Variants in CFAP97 observed in about 807,000 individuals in gnomAD.
CFAP97 encodes the protein cilia- and flagella-associated protein 97.
CFAP97 carries 36 observed loss-of-function variants against 43.1 expected under a neutral mutation model. The ratio of observed to expected loss-of-function variants is 0.84; its 90% CI spans 0.64 to 1.10. The LOEUF (loss-of-function observed/expected upper bound fraction) is 1.10, where lower values mean the gene tolerates loss of function less well. CFAP97 is among the 50% of genes least tolerant of loss of function. The pLI is 0.00. For synonymous variants in CFAP97, 228 were observed against 225.7 expected (o/e 1.01, Z -0.09); for missense variants, 657 against 620.3 (o/e 1.06, Z -0.63).
At chr4:185,190,105 T>C in intron 2 of CFAP97, 38 bp downstream of exon 2, 1 of 1,446,018 alleles carries the variant, frequency 6.9e-7, no homozygotes, top group Non-Finnish European at 9.3e-7. Context: ...CAATATATAA[T>C]ATTTAAACAC....
At chr4:185,202,455 G>A (rs1736896734) in intron 1 of CFAP97, among the ~76,000 whole-genome samples, 1 of 152,050 alleles carries the variant, frequency 6.6e-6, no homozygotes, top group African/African-American at 2.4e-5. Flanking sequence ...AGGCTGAGGT[G>A]GGAGAATCGC....
chr4:185,170,042 A>T (rs1455736286), intron 3 of CFAP97: 1 of 1,177,712 alleles, frequency 8.5e-7, no homozygotes. Flanking sequence ...TATTCCACAT[A>T]AGAGTTCTGA....
chr4:185,210,077 C>T, upstream of CFAP97: 2 of 984,118 alleles, frequency 2.0e-6, no homozygotes, highest in South Asian at 4.7e-5. This position sits in a 1 kb window ranked among gnomAD's most constrained non-coding sequence, Gnocchi z 4.4. Flanking sequence ...GCGGCGGGGG[C>T]CGCGGGGCTG....
chr4:185,192,069 C>T (rs1256684508), intron 1 of CFAP97, among the ~76,000 whole-genome samples: 1 of 152,182 alleles, frequency 6.6e-6, no homozygotes, highest in Non-Finnish European at 1.5e-5. Flanking sequence ...TCAGGACTTG[C>T]TGTCTTTGTC....
In CFAP97 at chr4:185,176,059, AAAG is replaced by A. The variant is rs561532648; in HGVS notation, c.1055-11_1055-9del. 1.8e-4 allele frequency: 275 copies of A among 1,530,482 alleles called. 1 individual carries two copies. In the African/African-American group the frequency reaches 4.4e-3, roughly 24 times the overall value. 94.8% of individuals were successfully genotyped at this position (1,530,482 alleles called of 1,614,324 possible). On this transcript the variant is annotated splice_polypyrimidine_tract_variant and intron_variant, in intron 2 of 4. Transcript: ENST00000458385. ...TATCTAATTGCAGAAAAGCTACAGA[AAAG>A]AACAAAAAAAAAAGAGAAAATGGCC...
At chr4:185,169,099 C>G (rs892854090) in intron 3 of CFAP97, 1 of 152,174 alleles carries the variant, frequency 6.6e-6, no homozygotes, top group African/African-American at 2.4e-5. Flanking sequence ...TAGCAAATGT[C>G]AAGTACCCAA....
chr4:185,201,375 C>A (rs1736820709), intron 1 of CFAP97, among the ~76,000 whole-genome samples: 1 of 150,770 alleles, frequency 6.6e-6, no homozygotes, highest in African/African-American at 2.4e-5. Context: ...TGTCAAGCAG[C>A]ATCACAAGCT....
chr4:185,170,176 T>A, intron 3 of CFAP97: 1 of 597,086 alleles, frequency 1.7e-6, no homozygotes, highest in Non-Finnish European at 2.7e-6. Context: ...GGCAATACCA[T>A]CTCCACTAAA....
chr4:185,177,717 T>C (rs952417648), intron 2 of CFAP97, among the ~76,000 whole-genome samples: 182 of 148,632 alleles, frequency 1.2e-3, no homozygotes, highest in African/African-American at 4.3e-3. Flanking sequence ...CACCTGTAAT[T>C]CCAGCTACTC....
In CFAP97 at chr4:185,164,535, G is replaced by A. The variant is rs548359321; in HGVS notation, c.1321-356C>T. 2.6e-5 allele frequency among the ~76,000 whole-genome samples: 4 copies of A among 152,336 alleles called. No homozygotes were observed. In the South Asian group the frequency reaches 8.3e-4, roughly 32 times the overall value. On this transcript the variant is annotated intron_variant, in intron 3 of 4. Transcript: ENST00000458385. The stretch of plus-strand genomic sequence containing the variant: ...GTGATATAACAATTCATCCAGAGGT[G>A]TCCAATGGAGAGAATACAGTCATGG...
chr4:185,178,123 T>C (rs1735627969), intron 2 of CFAP97, among the ~76,000 whole-genome samples: 3 of 152,060 alleles, frequency 2.0e-5, no homozygotes, highest in Admixed American at 6.5e-5. Flanking sequence ...ACATGTGAAA[T>C]TATCTTGCCT....
chr4:185,202,233 G>A (rs147958645), intron 1 of CFAP97, among the ~76,000 whole-genome samples: 1 of 152,126 alleles, frequency 6.6e-6, no homozygotes. Context: ...TAGAAAAATC[G>A]CCTTGTATGT....
intron 4 of CFAP97, among the ~76,000 whole-genome samples, chr4:185,163,354 C>A (rs1015677613): frequency 5.3e-5 from 8 of 151,992 alleles, no homozygotes; most frequent in African/African-American, 1.9e-4. Context: ...TGAAGACTCA[C>A]GAGGGCGGGC....
At chr4:185,197,947 T>A (rs1478044826) in intron 1 of CFAP97, among the ~76,000 whole-genome samples, 2 of 152,120 alleles carry the variant, frequency 1.3e-5, no homozygotes, top group African/African-American at 4.8e-5. Flanking sequence ...AACATGGGAA[T>A]AAGAAAGCGA....
chr4:185,170,108 G>A, intron 3 of CFAP97: 1 of 1,144,826 alleles, frequency 8.7e-7, no homozygotes, highest in Non-Finnish European at 1.1e-6. Context: ...TGCTCTTTGG[G>A]AAGCTGAGGC....
intron 2 of CFAP97, among the ~76,000 whole-genome samples, chr4:185,181,320 C>CT (rs778362979): frequency 0.16 from 15,705 of 99,224 alleles, 2,196 homozygotes; most frequent in Non-Finnish European, 0.2. Context: ...CATAATCATA[C>CT]TTTTTTTTTT....
intron 3 of CFAP97, among the ~76,000 whole-genome samples, chr4:185,171,286 G>A (rs1735293427): frequency 6.6e-6 from 1 of 152,038 alleles, no homozygotes; most frequent in Non-Finnish European, 1.5e-5. Flanking sequence ...GATCACTTCA[G>A]CCCAGGAGTT....
At chr4:185,183,673 G>T (rs1469070525) in intron 2 of CFAP97, among the ~76,000 whole-genome samples, 2 of 152,182 alleles carry the variant, frequency 1.3e-5, no homozygotes, top group Admixed American at 1.3e-4. Context: ...TTATATAATA[G>T]ACTGACAGTC....
At chr4:185,209,881 G>A (rs1737463467), upstream of CFAP97, 1 of 983,300 alleles carries the variant, frequency 1.0e-6, no homozygotes, top group South Asian at 4.7e-5. The surrounding 1 kb of genome is among the most constrained non-coding windows in gnomAD (Gnocchi z 5.2). Context: ...CGCGCGGGCC[G>A]CAGGCGCCGG....
Sources: gnomAD v4.1 joint callset for allele counts (sites outside exome capture counted in the v4.1 genomes callset) on GRCh38, gnomAD v4.1.1 for gene constraint, Gnocchi (gnomAD v3.1) non-coding constraint, MANE v1.5 for transcripts, NCBI Gene and HGNC (gene_info 2026-07-23, HGNC 2026-07-21) for gene names.